Variants in TINAG observed in about 807,000 individuals in gnomAD.
The protein encoded by TINAG is tubulointerstitial nephritis antigen.
A neutral mutation model predicts 72.7 loss-of-function variants in TINAG; 83 were observed. The observed-to-expected ratio is 1.14, with a 90% CI of 0.96 to 1.37. The LOEUF is 1.37. TINAG is among the 40% of genes most tolerant of loss of function. TINAG has a pLI of 0.00. For synonymous variants in TINAG, 234 were observed against 189.9 expected (o/e 1.23, Z -1.91); for missense variants, 685 against 576.6 (o/e 1.19, Z -1.93).
At chr6:54,329,586 A>C (rs775907521) in intron 4 of TINAG, among the ~76,000 whole-genome samples, 1 of 152,208 alleles carries the variant, frequency 6.6e-6, no homozygotes, top group South Asian at 2.1e-4. Flanking sequence ...AATAACAGCT[A>C]GCATAATAAT....
intron 9 of TINAG, among the ~76,000 whole-genome samples, chr6:54,371,292 C>T (rs767789137): frequency 1.3e-5 from 2 of 151,962 alleles, no homozygotes; most frequent in South Asian, 2.1e-4. Flanking sequence ...TCAGGCAGGT[C>T]GTATGATCTC....
chr6:54,320,424 T>C (rs932549905), intron 1 of TINAG, among the ~76,000 whole-genome samples, 155 bp from the exon 2 acceptor site: 1 of 152,168 alleles, frequency 6.6e-6, no homozygotes, highest in African/African-American at 2.4e-5. Context: ...TATACACACC[T>C]TGACACAAAC....
chr6:54,378,253 T>C (rs931525471), intron 9 of TINAG, among the ~76,000 whole-genome samples: 1 of 152,296 alleles, frequency 6.6e-6, no homozygotes, highest in African/African-American at 2.4e-5. Flanking sequence ...ACCAGCACCT[T>C]AGTCTCTGAA....
intron 9 of TINAG, among the ~76,000 whole-genome samples, chr6:54,361,007 A>G (rs1296129089): frequency 2.7e-5 from 4 of 150,364 alleles, no homozygotes; most frequent in Non-Finnish European, 5.9e-5. Flanking sequence ...CCATTATTAT[A>G]TGTGTTATGG....
chr6:54,351,715 C>T (rs1251126623), intron 8 of TINAG, among the ~76,000 whole-genome samples: 1 of 151,860 alleles, frequency 6.6e-6, no homozygotes, highest in African/African-American at 2.4e-5. Flanking sequence ...GAAATGCCAA[C>T]TGACTAATTT....
At chr6:54,317,600 TA>T (rs1244197233) in intron 1 of TINAG, among the ~76,000 whole-genome samples, 1 of 152,206 alleles carries the variant, frequency 6.6e-6, no homozygotes, top group Non-Finnish European at 1.5e-5. Context: ...CTTTCTTTTG[TA>T]AATTACTCAG....
rs144333562 is a variant in TINAG at position 54,332,552 on chromosome 6, G to A, written c.624+5636G>A. 3.0e-3 allele frequency among the ~76,000 whole-genome samples: 454 copies of A among 152,156 alleles called. 2 individuals are homozygous for A. Among genetic ancestry groups the A allele is most frequent in the African/African-American group, 0.01 (434 of 41,504 alleles). The stretch of plus-strand genomic sequence containing the variant: ...CTAGGCAATACCATTCAGGACATAG[G>A]CACGGGCAAAGACTTCATGAATAAA... On this transcript the variant is annotated intron_variant, in intron 4 of 10. Transcript: ENST00000259782.
chr6:54,371,872 G>A (rs1763618620), intron 9 of TINAG, among the ~76,000 whole-genome samples: 2 of 151,836 alleles, frequency 1.3e-5, no homozygotes, highest in Admixed American at 1.3e-4. Flanking sequence ...GTTCAATTAG[G>A]GAAGGTGATT....
At chr6:54,333,921 G>T (rs1582712731) in intron 4 of TINAG, among the ~76,000 whole-genome samples, 1 of 152,230 alleles carries the variant, frequency 6.6e-6, no homozygotes, top group East Asian at 1.9e-4. Context: ...TCTGTTAAAA[G>T]CATATCTTCA....
At chr6:54,380,198 T>C (rs546927279) in intron 9 of TINAG, among the ~76,000 whole-genome samples, 3 of 152,154 alleles carry the variant, frequency 2.0e-5, no homozygotes, top group East Asian at 1.9e-4. Context: ...TTGGGTTAAT[T>C]TGAAGTCTTT....
At chr6:54,338,262 A>G (rs1784913370) in intron 4 of TINAG, among the ~76,000 whole-genome samples, 1 of 152,198 alleles carries the variant, frequency 6.6e-6, no homozygotes, top group South Asian at 2.1e-4. Flanking sequence ...TGCAGGACAA[A>G]TCTTCAAAAA....
intron 8 of TINAG, among the ~76,000 whole-genome samples, chr6:54,352,333 G>A (rs1409478752): frequency 6.6e-6 from 1 of 151,802 alleles, no homozygotes; most frequent in Non-Finnish European, 1.5e-5. Context: ...TTATAATTGT[G>A]TTGGATGAAT....
At chr6:54,365,703 T>G (rs2150970756) in intron 9 of TINAG, among the ~76,000 whole-genome samples, 1 of 151,748 alleles carries the variant, frequency 6.6e-6, no homozygotes, top group Non-Finnish European at 1.5e-5. Context: ...TGAGTTATAT[T>G]TTGGAGTAGA....
At chr6:54,372,207 A>T (rs948395482) in intron 9 of TINAG, among the ~76,000 whole-genome samples, 1 of 151,454 alleles carries the variant, frequency 6.6e-6, no homozygotes, top group Non-Finnish European at 1.5e-5. Context: ...GGCCAGGCTG[A>T]TCTCGAACTC....
chr6:54,368,048 A>G (rs1763487515), intron 9 of TINAG, among the ~76,000 whole-genome samples: 1 of 151,620 alleles, frequency 6.6e-6, no homozygotes. Context: ...ATTTCAACAT[A>G]GGAATTTTGG....
chr6:54,355,252 A>G (rs1317521660), intron 9 of TINAG, among the ~76,000 whole-genome samples: 2 of 151,944 alleles, frequency 1.3e-5, no homozygotes, highest in Admixed American at 6.6e-5. Context: ...TATTCTGACT[A>G]AAACATCTCA....
At chr6:54,383,424 G>A (rs1294721298) in intron 10 of TINAG, among the ~76,000 whole-genome samples, 2 of 151,928 alleles carry the variant, frequency 1.3e-5, no homozygotes, top group Admixed American at 6.6e-5. Context: ...GTAATACATA[G>A]CAGCAAGCCA....
Position 54,389,876 on chromosome 6 carries a change from A to C in TINAG, c.1382A>C (p.Lys461Thr), listed in dbSNP as rs766118436. 6.2e-7 allele frequency: 1 copy of C among 1,611,128 alleles called. No homozygotes were observed. Among genetic ancestry groups the C allele is most frequent in the East Asian group, 2.2e-5 (1 of 44,716 alleles). The change falls in exon 11 of 11, where the codon AAG becomes ACG. Residue 461 changes from lysine (K) to threonine (T), a missense_variant. Physicochemically the swap from Lys to Thr is moderately conservative, Grantham distance 78. Coordinates refer to ENST00000259782, the MANE Select transcript of TINAG (RefSeq NM_014464.4). ...LRGVNESDIE[K>T]LIIAAWGQLT... ...GGAGTAAATGAGTCCGACATTGAAA[A>C]GTTGATTATCGCAGCTTGGGGCCAA...
chr6:54,387,420 A>G (rs1764128050), intron 10 of TINAG, among the ~76,000 whole-genome samples: 1 of 152,160 alleles, frequency 6.6e-6, no homozygotes, highest in Non-Finnish European at 1.5e-5. Flanking sequence ...TTAATTGCTT[A>G]CATATGCCAA....
Sources: gnomAD v4.1 joint callset for allele counts (sites outside exome capture counted in the v4.1 genomes callset) on GRCh38, gnomAD v4.1.1 for gene constraint, MANE v1.5 for transcripts, NCBI Gene and HGNC (gene_info 2026-07-23, HGNC 2026-07-21) for gene names.